Variants in BRWD3 observed in about 807,000 individuals in gnomAD.
BRWD3 encodes the protein bromodomain and WD repeat domain containing 3.
Under a neutral mutation model 149.7 loss-of-function variants are expected in BRWD3, and 10 were observed. The observed-to-expected ratio is 0.07, with a 90% CI of 0.04 to 0.11. The LOEUF is 0.11. BRWD3 is among the 10% of genes least tolerant of loss of function. BRWD3 has a pLI of 1.00. For synonymous variants in BRWD3, 504 were observed against 456.7 expected (o/e 1.10, Z -1.32); for missense variants, 940 against 1,373.2 (o/e 0.68, Z 4.99).
chrX:80,700,125 A>G, intron 24 of BRWD3, 61 bp from the exon 25 acceptor site: 1 of 799,700 alleles, frequency 1.3e-6, no homozygotes, highest in Non-Finnish European at 1.9e-6. Flanking sequence ...TATGTCCAAT[A>G]TACATTCCTA....
chrX:80,676,917 C>T lies in BRWD3; in HGVS notation c.5101G>A (p.Gly1701Arg), dbSNP rs200751676. 7.1e-4 allele frequency: 860 copies of T among 1,203,059 alleles called. No homozygotes were observed. Among genetic ancestry groups the T allele is most frequent in the Non-Finnish European group, 9.2e-4 (820 of 889,803 alleles). ...CTTCCCCTCCCCCTAGTGCCACCTC[C>T]ACCTCTTCCTCGACTCCCTCGTCCC... ...GRGRGSRGRG[G>R]GGTRGRGRGR... Residue 1701 changes from glycine (G) to arginine (R), a missense_variant, in exon 41 of 41, where the codon GGA becomes AGA. Physicochemically the swap from Gly to Arg is moderately radical, Grantham distance 125. Coordinates refer to ENST00000373275, the MANE Select transcript of BRWD3 (RefSeq NM_153252.5).
chrX:80,782,941 T>A (rs2074070580), intron 6 of BRWD3, among the ~76,000 whole-genome samples: 1 of 106,899 alleles, frequency 9.4e-6, no homozygotes. Flanking sequence ...TAAAAGGAGC[T>A]CAAACAACTC....
At chrX:80,797,113 T>C (rs2074246629) in intron 4 of BRWD3, among the ~76,000 whole-genome samples, 1 of 112,400 alleles carries the variant, frequency 8.9e-6, no homozygotes, top group African/African-American at 3.2e-5. Flanking sequence ...TTCAGGCATT[T>C]CCTAAATATG....
intron 17 of BRWD3, 84 bp downstream of exon 17, chrX:80,722,478 C>T: frequency 5.7e-6 from 5 of 874,330 alleles, no homozygotes; most frequent in Non-Finnish European, 8.4e-6. Context: ...CAGAGTTTAG[C>T]AGGAGGCATA....
rs1187056125 is a variant in BRWD3 at position 80,670,609 on chromosome X, G to C, written c.*6000C>G. ...AAAAAAAAAATTGTTTTGTAGATAC[G>C]GTGTCTCACTATGCTGCCCAGGCTG... On this transcript the variant is annotated 3_prime_UTR_variant, in exon 41 of 41. Coordinates refer to ENST00000373275, the MANE Select transcript of BRWD3 (RefSeq NM_153252.5). 9.1e-6 allele frequency among the ~76,000 whole-genome samples: 1 copy of C among 109,625 alleles called. No homozygotes were observed. Among genetic ancestry groups the C allele is most frequent in the Non-Finnish European group, 1.9e-5 (1 of 52,654 alleles).
At chrX:80,793,527 A>C (rs2074205830) in intron 5 of BRWD3, 95 bp downstream of exon 5, 1 of 951,635 alleles carries the variant, frequency 1.1e-6, no homozygotes, top group African/African-American at 2.0e-5. Context: ...AAAAACTAGT[A>C]TTTAGAAAAG....
intron 40 of BRWD3, among the ~76,000 whole-genome samples, chrX:80,678,981 G>C (rs2072407484): frequency 8.9e-6 from 1 of 111,753 alleles, no homozygotes; most frequent in Non-Finnish European, 1.9e-5. Context: ...GATACTAGAG[G>C]TATTTCCCTC....
chrX:80,777,741 T>C (rs188430201), intron 6 of BRWD3, among the ~76,000 whole-genome samples: 178 of 111,375 alleles, frequency 1.6e-3, no homozygotes, highest in African/African-American at 5.3e-3. Flanking sequence ...TCTTGGGCAA[T>C]TTTATCTGTT....
At chrX:80,761,980 T>C (rs1054105547) in intron 6 of BRWD3, among the ~76,000 whole-genome samples, 1 of 111,738 alleles carries the variant, frequency 8.9e-6, no homozygotes, top group Non-Finnish European at 1.9e-5. Flanking sequence ...TCATTTACTA[T>C]ATCCTAATGA....
chrX:80,731,926 A>T (rs962273500), intron 12 of BRWD3, among the ~76,000 whole-genome samples: 8 of 103,924 alleles, frequency 7.7e-5, no homozygotes, highest in Non-Finnish European at 1.6e-4. Flanking sequence ...AAAAGTCCTT[A>T]TAGACATACA....
At chrX:80,778,239 T>TG (rs1232174382) in intron 6 of BRWD3, among the ~76,000 whole-genome samples, 1 of 111,657 alleles carries the variant, frequency 9.0e-6, no homozygotes, top group Non-Finnish European at 1.9e-5. Context: ...GCCAGAATTT[T>TG]GGGGGCTAGG....
intron 6 of BRWD3, among the ~76,000 whole-genome samples, chrX:80,779,108 G>A (rs1230295589): frequency 9.0e-6 from 1 of 111,393 alleles, no homozygotes; most frequent in African/African-American, 3.3e-5. Context: ...TAGGTCAGGA[G>A]TTCAAGACCA....
intron 17 of BRWD3, 68 bp from the exon 18 acceptor site, chrX:80,719,724 CAACCTAT>C: frequency 3.0e-6 from 3 of 1,007,196 alleles, no homozygotes; most frequent in Non-Finnish European, 4.2e-6. Flanking sequence ...ATAGTAAAAA[CAACCTAT>C]AAATTTCTAC....
At chrX:80,779,344 T>C (rs1239547152) in intron 6 of BRWD3, among the ~76,000 whole-genome samples, 1 of 109,866 alleles carries the variant, frequency 9.1e-6, no homozygotes, top group Non-Finnish European at 1.9e-5. Context: ...ATAGAATGTA[T>C]GCAATCCTCT....
chrX:80,733,549 T>A, intron 11 of BRWD3, 53 bp from the exon 12 acceptor site: 1 of 979,319 alleles, frequency 1.0e-6, no homozygotes, highest in Non-Finnish European at 1.4e-6. Flanking sequence ...TAAAATGAAT[T>A]AAGTGCTCTT....
intron 6 of BRWD3, among the ~76,000 whole-genome samples, chrX:80,788,202 G>A (rs1462155342): frequency 9.1e-6 from 1 of 110,417 alleles, no homozygotes; most frequent in Non-Finnish European, 1.9e-5. Context: ...GGAGGCCGAG[G>A]CAGGTGATTG....
intron 6 of BRWD3, among the ~76,000 whole-genome samples, chrX:80,766,336 G>A (rs1037518345): frequency 3.6e-5 from 4 of 110,895 alleles, no homozygotes; most frequent in African/African-American, 6.6e-5. Flanking sequence ...TCAGCTTGCA[G>A]ATGGAAGATC....
intron 6 of BRWD3, among the ~76,000 whole-genome samples, chrX:80,766,348 T>G (rs1028652102): frequency 9.0e-6 from 1 of 111,048 alleles, no homozygotes; most frequent in African/African-American, 3.3e-5. Context: ...TGGAAGATCA[T>G]AGGACTTCTC....
chrX:80,710,281 A>G (rs1248313433), intron 20 of BRWD3: 2 of 350,211 alleles, frequency 5.7e-6, no homozygotes, highest in Non-Finnish European at 1.1e-5. Flanking sequence ...CAACACAACA[A>G]TATGGCTGGA....
Sources: gnomAD v4.1 joint callset for allele counts (sites outside exome capture counted in the v4.1 genomes callset) on GRCh38, gnomAD v4.1.1 for gene constraint, MANE v1.5 for transcripts, NCBI Gene and HGNC (gene_info 2026-07-23, HGNC 2026-07-21) for gene names.